Variants in COMMD10 observed in about 807,000 individuals in gnomAD.
The protein encoded by COMMD10 is COMM domain containing 10.
In COMMD10, 33 loss-of-function variants were observed where a neutral mutation model predicts 28.9. The ratio of observed to expected loss-of-function variants is 1.14; its 90% CI spans 0.87 to 1.53. The LOEUF (loss-of-function observed/expected upper bound fraction) is 1.53, where lower values mean the gene tolerates loss of function less well. Among genes scored for constraint, COMMD10 ranks in the 40% most tolerant of loss-of-function variants. The pLI is 0.00. For synonymous variants in COMMD10, 110 were observed against 81.7 expected (o/e 1.35, Z -1.87); for missense variants, 310 against 233.4 (o/e 1.33, Z -2.14).
intron 5 of COMMD10, among the ~76,000 whole-genome samples, chr5:116,155,621 ATGTGACTATAT>A (rs1752681162): frequency 6.6e-6 from 1 of 152,108 alleles, no homozygotes; most frequent in Admixed American, 6.6e-5. Flanking sequence ...AAAGTGAGGA[ATGTGACTATAT>A]TGGTTTAATG....
At chr5:116,230,526 T>G (rs1420436827) in intron 5 of COMMD10, among the ~76,000 whole-genome samples, 1 of 152,062 alleles carries the variant, frequency 6.6e-6, no homozygotes, top group South Asian at 2.1e-4. Context: ...AAACACAAAT[T>G]TATGTTCTAC....
intron 5 of COMMD10, among the ~76,000 whole-genome samples, chr5:116,134,488 G>A (rs1195302020): frequency 6.6e-6 from 1 of 152,180 alleles, no homozygotes. Context: ...CTGAATATAT[G>A]TGGTAGAGAG....
rs962460360 is a variant in COMMD10, at chr5:116,269,862, A to G, written c.511-21655A>G. On this transcript the variant is annotated intron_variant, in intron 5 of 6. Transcript: ENST00000274458. ...TTTGTTAGAGGAATAAGGGATGAGG[A>G]TGAGAGAATTAATATATATTTTTTA... is the stretch of plus-strand genomic sequence containing the variant. Among the ~76,000 whole-genome samples, 5 of 151,808 alleles carry G rather than the reference A, an allele frequency of 3.3e-5. No homozygotes were observed. In the South Asian group the frequency reaches 1.0e-3, roughly 31 times the overall value.
At chr5:116,128,142 T>A (rs1751725738) in intron 4 of COMMD10, among the ~76,000 whole-genome samples, 1 of 152,082 alleles carries the variant, frequency 6.6e-6, no homozygotes, top group Admixed American at 6.6e-5. Context: ...TTTTCCTATT[T>A]TGAGGAGTTA....
At chr5:116,141,826 A>T (rs1425349384) in intron 5 of COMMD10, among the ~76,000 whole-genome samples, 1 of 151,922 alleles carries the variant, frequency 6.6e-6, no homozygotes, top group East Asian at 1.9e-4. Context: ...GGTGTATGCT[A>T]CTTTACTGAA....
intron 5 of COMMD10, among the ~76,000 whole-genome samples, chr5:116,135,333 G>A (rs1473108877): frequency 1.3e-5 from 2 of 152,136 alleles, no homozygotes; most frequent in African/African-American, 4.8e-5. Flanking sequence ...CTATTATGCA[G>A]GTTTCTGGCT....
At chr5:116,244,296 C>T (rs1212000885) in intron 5 of COMMD10, among the ~76,000 whole-genome samples, 1 of 152,000 alleles carries the variant, frequency 6.6e-6, no homozygotes, top group African/African-American at 2.4e-5. Context: ...GGATACACTC[C>T]ATGTTTATTC....
Position 116,134,179 on chromosome 5 carries a change from G to A in COMMD10, c.510+1G>A, listed in dbSNP as rs746147626. Reference sequence around the variant, plus strand: ...CGGAGTGAACAATGAAGATTCAAAGGTAAGAAATGGTATCCCATTAAAAGG... The same window carrying A: ...CGGAGTGAACAATGAAGATTCAAAGATAAGAAATGGTATCCCATTAAAAGG... On this transcript the variant is annotated splice_donor_variant, in intron 5 of 6. Coordinates refer to ENST00000274458, the MANE Select transcript of COMMD10 (RefSeq NM_016144.4). LOFTEE classifies it high-confidence loss of function. 1 of 1,502,380 alleles carries A rather than the reference G, an allele frequency of 6.7e-7. No individual in the cohort carries two copies. The highest frequency in any genetic ancestry group is 1.1e-5 in the South Asian group (1 of 88,716). 93.1% of individuals were successfully genotyped at this position (1,502,380 alleles called of 1,614,324 possible). A position where few individuals can be genotyped will look rare whatever the true frequency, so the allele number is the denominator to read the frequency against.
At chr5:116,150,056 T>C (rs1235893486) in intron 5 of COMMD10, among the ~76,000 whole-genome samples, 1 of 152,010 alleles carries the variant, frequency 6.6e-6, no homozygotes, top group Non-Finnish European at 1.5e-5. Flanking sequence ...AAGGGATCCA[T>C]TTTCAGCTTT....
intron 2 of COMMD10, among the ~76,000 whole-genome samples, chr5:116,090,858 C>T (rs531224533): frequency 1.8e-4 from 28 of 152,276 alleles, no homozygotes; most frequent in African/African-American, 5.8e-4. Flanking sequence ...TTATGACCTG[C>T]GTCACCACAA....
At chr5:116,127,708 T>A (rs1297098345) in intron 4 of COMMD10, among the ~76,000 whole-genome samples, 1 of 152,054 alleles carries the variant, frequency 6.6e-6, no homozygotes, top group East Asian at 1.9e-4. Context: ...TTCTCACTCA[T>A]AGGTGGGAGT....
intron 5 of COMMD10, among the ~76,000 whole-genome samples, chr5:116,260,322 C>A (rs763586731): frequency 1.3e-5 from 2 of 151,760 alleles, no homozygotes; most frequent in Non-Finnish European, 2.9e-5. Context: ...TATTATTTTT[C>A]CCTGTGGAAA....
chr5:116,202,973 C>T (rs1299842815), intron 5 of COMMD10, among the ~76,000 whole-genome samples: 1 of 151,870 alleles, frequency 6.6e-6, no homozygotes, highest in African/African-American at 2.4e-5. Context: ...TGCCTATGTC[C>T]TGAATGGTAT....
intron 5 of COMMD10, among the ~76,000 whole-genome samples, chr5:116,166,084 A>G (rs1753081353): frequency 6.6e-6 from 1 of 152,178 alleles, no homozygotes; most frequent in African/African-American, 2.4e-5. Flanking sequence ...CTATGGCCGA[A>G]AGAGCTTGCA....
chr5:116,216,978 G>C (rs992103364), intron 5 of COMMD10, among the ~76,000 whole-genome samples: 1 of 152,088 alleles, frequency 6.6e-6, no homozygotes, highest in South Asian at 2.1e-4. Flanking sequence ...AGGATGTTTT[G>C]AGGGGATAGA....
At chr5:116,255,219 C>T (rs1050993886) in intron 5 of COMMD10, among the ~76,000 whole-genome samples, 3 of 151,598 alleles carry the variant, frequency 2.0e-5, no homozygotes, top group African/African-American at 7.3e-5. Context: ...GTTTCCTGAA[C>T]ACAGCACACT....
At chr5:116,210,721 G>C (rs1430819255) in intron 5 of COMMD10, among the ~76,000 whole-genome samples, 1 of 151,936 alleles carries the variant, frequency 6.6e-6, no homozygotes, top group Non-Finnish European at 1.5e-5. Flanking sequence ...CTTTATCACT[G>C]CCACCTTATT....
intron 5 of COMMD10, among the ~76,000 whole-genome samples, chr5:116,184,039 C>G (rs901681883): frequency 6.6e-6 from 1 of 152,086 alleles, no homozygotes. Context: ...ATGTTGTTCT[C>G]AAATTCCAAA....
At chr5:116,121,130 C>T (rs1751417915) in intron 4 of COMMD10, among the ~76,000 whole-genome samples, 1 of 152,094 alleles carries the variant, frequency 6.6e-6, no homozygotes, top group African/African-American at 2.4e-5. Context: ...TCTCCTTCCC[C>T]CTGCCCCCCA....
Sources: allele counts gnomAD v4.1 joint callset (sites outside exome capture counted in the v4.1 genomes callset), GRCh38; gene constraint gnomAD v4.1.1; transcripts MANE v1.5; gene names NCBI Gene and HGNC (gene_info 2026-07-23, HGNC 2026-07-21).